PLA2G4C: variants seen among roughly 807,000 people sequenced by gnomAD.
PLA2G4C encodes the protein cytosolic phospholipase A2 gamma.
A neutral mutation model predicts 73.8 loss-of-function variants in PLA2G4C; 64 were observed. That is an observed-to-expected ratio of 0.87 (90% CI 0.71 to 1.07). The LOEUF is 1.07. PLA2G4C is among the 50% of genes least tolerant of loss of function. The pLI, the probability that PLA2G4C is intolerant of heterozygous loss-of-function variation, is 0.00. For synonymous variants in PLA2G4C, 254 were observed against 252.1 expected (o/e 1.01, Z -0.07); for missense variants, 622 against 665.4 (o/e 0.93, Z 0.72).
intron 14 of PLA2G4C, among the ~76,000 whole-genome samples, chr19:48,059,043 C>T (rs1014109910): frequency 2.0e-4 from 30 of 151,718 alleles, no homozygotes; most frequent in African/African-American, 5.6e-4. Context: ...GAGGCCGAGG[C>T]GGGCAGATCA....
intron 15 of PLA2G4C, among the ~76,000 whole-genome samples, chr19:48,054,514 A>G (rs1967858458): frequency 6.9e-6 from 1 of 145,898 alleles, no homozygotes; most frequent in Non-Finnish European, 1.5e-5. Context: ...ATGGGGTTTC[A>G]CTGTGTTAGC....
intron 10 of PLA2G4C, among the ~76,000 whole-genome samples, chr19:48,084,030 A>C (rs151320160): frequency 7.4e-5 from 9 of 121,242 alleles, no homozygotes; most frequent in Non-Finnish European, 1.3e-4. Context: ...ACAGGTAACG[A>C]ATGCCAATTT....
chr19:48,077,704 G>A, intron 11 of PLA2G4C, 67 bp downstream of exon 11: 1 of 1,174,442 alleles, frequency 8.5e-7, no homozygotes, highest in Non-Finnish European at 1.2e-6. Flanking sequence ...TTAGGACAAT[G>A]GCTGGCTTCA....
At chr19:48,105,980 TTCTTTC>T (rs1427714468) in intron 2 of PLA2G4C, among the ~76,000 whole-genome samples, 1 of 112,610 alleles carries the variant, frequency 8.9e-6, no homozygotes, top group Non-Finnish European at 1.8e-5. Context: ...CTTTCTTTCT[TTCTTTC>T]TTTCTTTCTC....
At position 48,099,712 on chromosome 19, in the gene PLA2G4C, C is replaced by T. The variant is rs769048180; in HGVS notation, c.406G>A (p.Asp136Asn). 90 of 1,613,928 alleles carry T rather than the reference C, an allele frequency of 5.6e-5. 2 individuals carry two copies. In the South Asian group the frequency reaches 6.0e-4, roughly 11 times the overall value. Residue 136 changes from aspartate to asparagine, a missense_variant, in exon 5 of 17, where the codon GAC becomes AAC. By Grantham distance (23) the Asp-to-Asn change is conservative. Coordinates refer to ENST00000599921, the MANE Select transcript of PLA2G4C (RefSeq NM_003706.3). Reference protein sequence around the residue: ...AARSENYSLTDFWAYMVISKQ... With the variant: ...AARSENYSLTNFWAYMVISKQ... ...GAGATAACCATGTAGGCCCAGAAGT[C>T]GGTCAGAGAGTAATTCTCAGACCTC... is the stretch of plus-strand genomic sequence containing the variant.
At chr19:48,077,531 A>C (rs2030245023) in intron 11 of PLA2G4C, among the ~76,000 whole-genome samples, 1 of 152,146 alleles carries the variant, frequency 6.6e-6, no homozygotes, top group African/African-American at 2.4e-5. Context: ...AAAGCAATCT[A>C]CAAGTCCAGT....
At chr19:48,053,208 G>C in intron 15 of PLA2G4C, 61 bp from the exon 16 acceptor site, 1 of 1,362,588 alleles carries the variant, frequency 7.3e-7, no homozygotes, top group Non-Finnish European at 1.0e-6. Flanking sequence ...TAATTCTGCA[G>C]ATTTTTGTCT....
intron 6 of PLA2G4C, chr19:48,097,202 C>T (rs1246747974): frequency 6.8e-6 from 1 of 147,092 alleles, no homozygotes; most frequent in Non-Finnish European, 1.5e-5. Context: ...CCCACCCCGC[C>T]ATCCTTCAAA....
chr19:48,089,154 G>C (rs948518600), intron 8 of PLA2G4C, among the ~76,000 whole-genome samples: 1 of 152,136 alleles, frequency 6.6e-6, no homozygotes, highest in East Asian at 1.9e-4. Context: ...CAGCCCGGGC[G>C]TGGTGGTTTA....
At chr19:48,075,492 C>T (rs1357815498) in intron 11 of PLA2G4C, among the ~76,000 whole-genome samples, 4 of 151,942 alleles carry the variant, frequency 2.6e-5, no homozygotes, top group African/African-American at 9.7e-5. Context: ...CTGGCATCCC[C>T]TCTTATTTTT....
At chr19:48,066,087 C>CAAA (rs199744302) in intron 13 of PLA2G4C, among the ~76,000 whole-genome samples, 1 of 111,804 alleles carries the variant, frequency 8.9e-6, no homozygotes, top group African/African-American at 3.2e-5. Flanking sequence ...AACTCCATCT[C>CAAA]AAAAAAAAAA....
intron 13 of PLA2G4C, among the ~76,000 whole-genome samples, chr19:48,062,455 T>C (rs3786773): frequency 0.85 from 129,406 of 151,838 alleles, 55,331 homozygotes; most frequent in African/African-American, 0.93. Context: ...ACTAAAAATA[T>C]CAAAATTAGC....
intron 16 of PLA2G4C, among the ~76,000 whole-genome samples, chr19:48,050,673 C>CTTGTTTTTTTTTTTTTTT (rs1967690502): frequency 2.5e-5 from 2 of 78,746 alleles, no homozygotes; most frequent in African/African-American, 4.3e-5. Flanking sequence ...GAGTATGTGA[C>CTTGTTTTTTTTTTTTTTT]TTTTTTTTTT....
At chr19:48,108,085 A>G (rs535978995) in intron 1 of PLA2G4C, among the ~76,000 whole-genome samples, 80 of 152,162 alleles carry the variant, frequency 5.3e-4, no homozygotes, top group African/African-American at 1.8e-3. Flanking sequence ...CCCCAGGCCC[A>G]GCTGTCTTTT....
At chr19:48,067,751 G>T (rs1329915564) in intron 13 of PLA2G4C, 40 bp downstream of exon 13, 4 of 1,340,074 alleles carry the variant, frequency 3.0e-6, no homozygotes, top group Non-Finnish European at 4.3e-6. Context: ...CCATTCACAC[G>T]CAAGGACAGA....
chr19:48,105,353 G>A lies in PLA2G4C; in HGVS notation c.100C>T (p.Leu34=), dbSNP rs1309539083. ...CTTACCTCATCAGCCTCAATCCTTA[G>A]CTTCTTCAGAGCTTTCAGCACATGA... The part of the protein sequence containing the change: ...RLHVLKALKK[L]RIEADEAPVV... The change falls in exon 3 of 17, where the codon CTA becomes TTA. Residue 34 remains leucine, a synonymous_variant. Transcript: ENST00000599921. The A allele has an allele frequency of 1.2e-6, 2 of 1,612,898 alleles. No individual in the cohort carries two copies. Among genetic ancestry groups the A allele is most frequent in the African/African-American group, 2.7e-5 (2 of 74,850 alleles).
intron 10 of PLA2G4C, among the ~76,000 whole-genome samples, chr19:48,083,439 TTTTTCTTTTTTC>T (rs2030763936): frequency 7.7e-6 from 1 of 129,072 alleles, no homozygotes; most frequent in African/African-American, 3.3e-5. Context: ...TTTCTTTTTC[TTTTTCTTTTTTC>T]TTTTTTTTTT....
intron 14 of PLA2G4C, among the ~76,000 whole-genome samples, chr19:48,055,379 C>A (rs1967898434): frequency 8.4e-6 from 1 of 118,876 alleles, no homozygotes; most frequent in Admixed American, 8.3e-5. Flanking sequence ...TTGGAGACCT[C>A]ATCTCTACAG....
In PLA2G4C at chr19:48,110,524, G is replaced by T; in HGVS notation, c.-70C>A. Reference sequence around the variant, plus strand: ...CTGGGGCGTGTGCGCATGCGCGGTGGAGCTTGTGCTCCGGAATCCGGTGCG... The same window carrying T: ...CTGGGGCGTGTGCGCATGCGCGGTGTAGCTTGTGCTCCGGAATCCGGTGCG... On this transcript the variant is annotated 5_prime_UTR_variant, in exon 1 of 17. Transcript: ENST00000599921. 1 of 960,920 alleles carries T rather than the reference G, an allele frequency of 1.0e-6. No individual in the cohort carries two copies. The allele number at this position is 960,920 out of a possible 1,614,324, so 59.5% of individuals were successfully genotyped here.
Sources: allele counts gnomAD v4.1 joint callset (sites outside exome capture counted in the v4.1 genomes callset), GRCh38; gene constraint gnomAD v4.1.1; transcripts MANE v1.5; gene names NCBI Gene and HGNC (gene_info 2026-07-23, HGNC 2026-07-21).